Variants in ADGRB2 observed in about 807,000 individuals in gnomAD.
The protein encoded by ADGRB2 is brain-specific angiogenesis inhibitor 2.
ADGRB2 carries 47 observed loss-of-function variants against 178.7 expected under a neutral mutation model. The observed-to-expected ratio is 0.26, with a 90% CI of 0.21 to 0.34. The LOEUF (loss-of-function observed/expected upper bound fraction) is 0.34, where lower values mean the gene tolerates loss of function less well. Among genes scored for constraint, ADGRB2 ranks in the 10% least tolerant of loss-of-function variants. ADGRB2 has a pLI of 1.00. For missense variants in ADGRB2, 1,584 were observed against 2,180.8 expected, an observed-to-expected ratio of 0.73 and a Z score of 5.45; for synonymous variants, 870 against 912.4, an observed-to-expected ratio of 0.95 and a Z score of 0.84.
At chr1:31,749,949 GGAAA>G (rs557365713) in intron 4 of ADGRB2, among the ~76,000 whole-genome samples, 25 of 150,872 alleles carry the variant, frequency 1.7e-4, no homozygotes, top group Non-Finnish European at 2.4e-4. Flanking sequence ...AAGAAAGAAA[GGAAA>G]GAAAGAAAGA....
Position 31,764,125 on chromosome 1 carries a change from C to T in ADGRB2, c.-432G>A. ...GGGCTCCTGCCGCCGCCGCCGCCGCCGCCTCCTTGCCGCGCCGCCCCCCGC... is the reference window on the plus strand; with the variant it reads ...GGGCTCCTGCCGCCGCCGCCGCCGCTGCCTCCTTGCCGCGCCGCCCCCCGC... On this transcript the variant is annotated 5_prime_UTR_variant, in exon 1 of 33. Coordinates refer to ENST00000373658, the MANE Select transcript of ADGRB2 (RefSeq NM_001364857.2). This position sits in a 1 kb window ranked among gnomAD's most constrained non-coding sequence, Gnocchi z 7.3. 2 of 889,896 alleles carry T rather than the reference C, an allele frequency of 2.2e-6. No homozygotes were observed. The highest frequency in any genetic ancestry group is 2.7e-6 in the Non-Finnish European group (2 of 746,742). 55.1% of individuals were successfully genotyped at this position (889,896 alleles called of 1,614,324 possible). A position where few individuals can be genotyped will look rare whatever the true frequency, so the allele number is the denominator to read the frequency against.
In ADGRB2 at chr1:31,736,655, G is replaced by A. The variant is rs1392737844; in HGVS notation, c.3048C>T (p.Thr1016=). 11 of 1,614,136 alleles carry A rather than the reference G, an allele frequency of 6.8e-6. No homozygotes were observed. Among genetic ancestry groups the A allele is most frequent in the African/African-American group, 1.3e-5 (1 of 75,054 alleles). ...FFLSSFCWVL[T]EAWQSYLAVI... ...CAGCCAGGTAGGACTGCCAGGCCTC[G>A]GTAAGCACCCAGCAAAAGGAGGAGA... Residue 1016 remains threonine (T), a synonymous_variant, in exon 21 of 33, where the codon ACC becomes ACT. Transcript: ENST00000373658.
At chr1:31,750,330 C>T (rs1646502395) in intron 4 of ADGRB2, among the ~76,000 whole-genome samples, 1 of 152,234 alleles carries the variant, frequency 6.6e-6, no homozygotes, top group African/African-American at 2.4e-5. Context: ...TCTGGGAAGA[C>T]AGGCATTCAG....
rs772156121 is a variant in ADGRB2, at chr1:31,741,303, C to T, written c.1794+70G>A. 23 of 1,462,054 alleles carry T rather than the reference C, an allele frequency of 1.6e-5. 1 individual carries two copies. The South Asian group carries it at 2.2e-4, about 14-fold the overall frequency. 90.6% of individuals were successfully genotyped at this position (1,462,054 alleles called of 1,614,324 possible). ...GGCACGTGGGAACGAGCGAGAATCA[C>T]GCTCCCTCCACCCCCTAGCAGAGTC... is the stretch of plus-strand genomic sequence containing the variant. On this transcript the variant is annotated intron_variant, in intron 11 of 32. Transcript: ENST00000373658. The surrounding 1 kb of genome is among the most constrained non-coding windows in gnomAD (Gnocchi z 6.5).
Position 31,742,149 on chromosome 1 carries a change from G to T in ADGRB2, c.1321C>A (p.Gln441Lys). Reference sequence around the variant, plus strand: ...GCCACGCTGCACTTCCGGCTGCGCTGTTGGGTCCCATTGGCACAGGACGTG... The same window carrying T: ...GCCACGCTGCACTTCCGGCTGCGCTTTTGGGTCCCATTGGCACAGGACGTG... ...CSTSCANGTQ[Q>K]RSRKCSVAGP... The change falls in exon 8 of 33, where the codon CAG (glutamine) becomes AAG (lysine). Residue 441 changes from glutamine to lysine, a missense_variant. Physicochemically the swap from Gln to Lys is moderately conservative, Grantham distance 53. This residue lies in a region of ADGRB2 where 657 missense variants were observed against 847.6 expected (regional missense o/e 0.78). Coordinates refer to ENST00000373658, the MANE Select transcript of ADGRB2 (RefSeq NM_001364857.2). The T allele has an allele frequency of 3.1e-6, 5 of 1,613,562 alleles. No individual in the cohort carries two copies. Among genetic ancestry groups the T allele is most frequent in the Non-Finnish European group, 3.4e-6 (4 of 1,179,960 alleles).
intron 1 of ADGRB2, 74 bp from the exon 2 acceptor site, chr1:31,757,585 C>T (rs897462212): frequency 6.4e-5 from 17 of 265,556 alleles, no homozygotes; most frequent in African/African-American, 3.8e-4. Flanking sequence ...CAGCCACCTG[C>T]TGGTGGGTGA....
In ADGRB2 at chr1:31,744,649, T is replaced by C; in HGVS notation, c.921A>G (p.Thr307=). ...GGAAGGGAGGCGGGCCCGAGTTACCTGTCTGCGCCATGTATAGCCCAGGCT... is the reference window on the plus strand; with the variant it reads ...GGAAGGGAGGCGGGCCCGAGTTACCCGTCTGCGCCATGTATAGCCCAGGCT... ...ADEPGLYMAQ[T]GDPAAEEWSP... The change falls in exon 5 of 33, where the codon ACA becomes ACG. Residue 307 remains threonine, a splice_region_variant and synonymous_variant. Coordinates refer to ENST00000373658, the MANE Select transcript of ADGRB2 (RefSeq NM_001364857.2). This position sits in a 1 kb window ranked among gnomAD's most constrained non-coding sequence, Gnocchi z 6.7. 1 of 1,614,140 alleles carries C rather than the reference T, an allele frequency of 6.2e-7. No individual in the cohort carries two copies. The highest frequency in any genetic ancestry group is 8.5e-7 in the Non-Finnish European group (1 of 1,179,996).
At chr1:31,747,489 A>C (rs373982520) in intron 4 of ADGRB2, among the ~76,000 whole-genome samples, 5 of 150,474 alleles carry the variant, frequency 3.3e-5, no homozygotes, top group African/African-American at 1.2e-4. Flanking sequence ...TGCCTAGAAA[A>C]CTCCTACTTG....
chr1:31,747,196 C>A (rs1387890477), intron 4 of ADGRB2, among the ~76,000 whole-genome samples: 1 of 152,104 alleles, frequency 6.6e-6, no homozygotes, highest in Non-Finnish European at 1.5e-5. Context: ...ACCTCTCTAG[C>A]TACTCTGTCC....
Position 31,744,361 on chromosome 1 carries a change from C to T in ADGRB2, c.923-4G>A, listed in dbSNP as rs374601754. The T allele has an allele frequency of 1.4e-5, 21 of 1,550,068 alleles. No individual in the cohort carries two copies. The highest frequency in any genetic ancestry group is 7.9e-5 in the Admixed American group (4 of 50,758). On this transcript the variant is annotated splice_region_variant and splice_polypyrimidine_tract_variant and intron_variant, in intron 5 of 32. Transcript: ENST00000373658. This position sits in a 1 kb window ranked among gnomAD's most constrained non-coding sequence, Gnocchi z 6.7. ...CACTCCTCAGCCGCCGGGTCGCCTA[C>T]GAGAGAGGGACAGCGTCGGCGGCAG...
Position 31,727,764 on chromosome 1 carries a change from G to A in ADGRB2, c.4573-159C>T. 1.1e-6 allele frequency: 1 copy of A among 935,630 alleles called. No individual in the cohort carries two copies. The allele number at this position is 935,630 out of a possible 1,614,324, so 58.0% of individuals were successfully genotyped here. A position where few individuals can be genotyped will look rare whatever the true frequency, so the allele number is the denominator to read the frequency against. On this transcript the variant is annotated intron_variant, in intron 32 of 32. Coordinates refer to ENST00000373658, the MANE Select transcript of ADGRB2 (RefSeq NM_001364857.2). The surrounding 1 kb of genome is among the most constrained non-coding windows in gnomAD (Gnocchi z 4.4). ...CAAATACAGACCTGCCTGGTTCCAG[G>A]GTGGGGCTCCTGACCCCTGTTCTCA...
rs1199088167 is a variant in ADGRB2 at position 31,756,171 on chromosome 1, G to C, written c.666C>G (p.Gly222=). 6 of 1,613,126 alleles carry C rather than the reference G, an allele frequency of 3.7e-6. No individual in the cohort carries two copies. The highest frequency in any genetic ancestry group is 1.3e-5 in the African/African-American group (1 of 74,940). Residue 222 remains glycine (G), a synonymous_variant, in exon 4 of 33, where the codon GGC becomes GGG. Transcript: ENST00000373658. This position sits in a 1 kb window ranked among gnomAD's most constrained non-coding sequence, Gnocchi z 8.5. ...AGRACGFAQP[G]CSCPGEAGAG... ...CCCCCGCCTCTCCAGGGCAGCTGCA[G>C]CCTGGCTGAGCAAAGCCGCAGGCCC...
chr1:31,752,763 G>A (rs367884743), intron 4 of ADGRB2, among the ~76,000 whole-genome samples: 540 of 152,106 alleles, frequency 3.6e-3, no homozygotes, highest in South Asian at 0.022. Flanking sequence ...CTGGGGGCTC[G>A]ATCAGGGGGT....
chr1:31,738,899 G>C lies in ADGRB2; in HGVS notation c.2534C>G (p.Thr845Ser), dbSNP rs1645779496. The change falls in exon 16 of 33, where the codon ACT becomes AGT. Residue 845 changes from threonine to serine, a missense_variant. This residue lies in a region of ADGRB2 where 865 missense variants were observed against 1,192.8 expected (regional missense o/e 0.73). Transcript: ENST00000373658. ...LAVTSRVMTV[T>S]VRPPTQPPAE... The stretch of plus-strand genomic sequence containing the variant: ...TGGAGGCTGGGTAGGGGGGCGCACA[G>C]TCACTGTCATCACCCGGGATGTGAC... The C allele has an allele frequency of 6.2e-7, 1 of 1,613,614 alleles. No individual in the cohort carries two copies. Among genetic ancestry groups the C allele is most frequent in the Admixed American group, 1.7e-5 (1 of 59,998 alleles).
At chr1:31,760,598 G>GCGGGC (rs1254362445) in intron 1 of ADGRB2, 1 of 151,922 alleles carries the variant, frequency 6.6e-6, no homozygotes, top group Non-Finnish European at 1.5e-5. Context: ...CGGGGGAGGG[G>GCGGGC]CGGGCCGGGG....
chr1:31,763,646 G>A (rs1488386376), intron 1 of ADGRB2, among the ~76,000 whole-genome samples: 3 of 149,906 alleles, frequency 2.0e-5, no homozygotes, highest in Non-Finnish European at 3.0e-5. Context: ...CAGGCTGGGG[G>A]AGGGGGGGGG....
In ADGRB2 at chr1:31,754,149, C is replaced by T. The variant is rs1221965754; in HGVS notation, c.838+1850G>A. 6.6e-6 allele frequency among the ~76,000 whole-genome samples: 1 copy of T among 152,226 alleles called. No homozygotes were observed. Among genetic ancestry groups the T allele is most frequent in the Admixed American group, 6.5e-5 (1 of 15,288 alleles). On this transcript the variant is annotated intron_variant, in intron 4 of 32. Transcript: ENST00000373658. This position sits in a 1 kb window ranked among gnomAD's most constrained non-coding sequence, Gnocchi z 5.7. ...CTAGCCCCAGAGGCCTCTGCAGAGG[C>T]TCTGATGATGGTGCCTTTCCCATCA... is the stretch of plus-strand genomic sequence containing the variant.
At position 31,735,040 on chromosome 1, in the gene ADGRB2, A is replaced by G. The variant is rs547260920; in HGVS notation, c.3452+143T>C. ...TTGGCCACCTCTTGCCGAGCCCTTG[A>G]GAGTGTGTGGTGGCTGGCAGGAAAG... On this transcript the variant is annotated intron_variant, in intron 25 of 32. Coordinates refer to ENST00000373658, the MANE Select transcript of ADGRB2 (RefSeq NM_001364857.2). The surrounding 1 kb of genome is among the most constrained non-coding windows in gnomAD (Gnocchi z 6.0). The G allele has an allele frequency of 4.9e-6, 4 of 820,124 alleles. No individual in the cohort carries two copies. The Admixed American group carries it at 1.0e-4, about 21-fold the overall frequency. The allele number at this position is 820,124 out of a possible 1,614,324, so 50.8% of individuals were successfully genotyped here.
At position 31,732,519 on chromosome 1, in the gene ADGRB2, G is replaced by T; in HGVS notation, c.3718C>A (p.Leu1240Met). The change falls in exon 27 of 33, where the codon CTG (leucine) becomes ATG (methionine). Residue 1240 changes from leucine to methionine, a missense_variant and splice_region_variant. Transcript: ENST00000373658. ...CCCTGCCCAGGCCCCTAACTCACCA[G>T]GATCTGCAGCTGCCCGTTCTTACAC... The part of the protein sequence containing the change: ...DSCKNGQLQI[L>M]SDFEKDVDLA... The T allele has an allele frequency of 6.2e-7, 1 of 1,614,158 alleles. No homozygotes were observed. Among genetic ancestry groups the T allele is most frequent in the Non-Finnish European group, 8.5e-7 (1 of 1,180,028 alleles).
Sources: gnomAD v4.1 joint callset for allele counts (sites outside exome capture counted in the v4.1 genomes callset) on GRCh38, gnomAD v4.1.1 for gene constraint, gnomAD v4.1.1 regional missense constraint, Gnocchi (gnomAD v3.1) non-coding constraint, MANE v1.5 for transcripts, NCBI Gene and HGNC (gene_info 2026-07-23, HGNC 2026-07-21) for gene names.